The following ICA1 variants were observed in gnomAD, a reference collection of about 807,000 sequenced individuals.
The protein encoded by ICA1 is islet cell autoantigen 1, also known as 69 kDa islet cell autoantigen.
A neutral mutation model predicts 71.0 loss-of-function variants in ICA1; 40 were observed. The observed-to-expected ratio is 0.56, with a 90% confidence interval of 0.44 to 0.73. The LOEUF is 0.73. ICA1 is among the 30% of genes least tolerant of loss of function. The probability of loss-of-function intolerance (pLI) is 0.00; values close to 1 mark genes in which losing one functional copy is unlikely to be tolerated. For synonymous variants in ICA1, 207 were observed against 209.5 expected, an observed-to-expected ratio of 0.99 and a Z score of 0.10; for missense variants, 578 against 576.5, an observed-to-expected ratio of 1.00 and a Z score of -0.03.
At chr7:8,203,900 G>A (rs1434345261) in intron 6 of ICA1, among the ~76,000 whole-genome samples, 2 of 152,118 alleles carry the variant, frequency 1.3e-5, no homozygotes, top group Non-Finnish European at 2.9e-5. Flanking sequence ...CCTGAGTTGA[G>A]CCTACTCTTG....
intron 6 of ICA1, among the ~76,000 whole-genome samples, chr7:8,183,620 G>C (rs138765608): frequency 0.013 from 2,014 of 152,308 alleles, 13 homozygotes; most frequent in Middle Eastern, 0.037. Flanking sequence ...CCCTGAGCAA[G>C]TTATTTAACC....
chr7:8,127,826 A>C (rs763039475), intron 13 of ICA1, 47 bp downstream of exon 13: 1 of 1,531,698 alleles, frequency 6.5e-7, no homozygotes, highest in Non-Finnish European at 8.8e-7. Context: ...TGAAAACAAA[A>C]AGAATGAACA....
At chr7:8,138,701 T>C (rs1794198870) in intron 12 of ICA1, 139 bp downstream of exon 12, 1 of 686,606 alleles carries the variant, frequency 1.5e-6, no homozygotes, top group Admixed American at 2.5e-5. Context: ...TTGAGGTCAT[T>C]TATAAAGACT....
intron 12 of ICA1, among the ~76,000 whole-genome samples, chr7:8,129,105 C>A (rs909905749): frequency 6.6e-6 from 1 of 152,196 alleles, no homozygotes; most frequent in East Asian, 1.9e-4. Flanking sequence ...GCATTACTAT[C>A]AGAAATCTTA....
At chr7:8,189,295 A>G (rs1000448843) in intron 6 of ICA1, among the ~76,000 whole-genome samples, 2 of 152,326 alleles carry the variant, frequency 1.3e-5, no homozygotes, top group East Asian at 1.9e-4. Context: ...TGGGGTCATT[A>G]TACTAGAAGG....
intron 13 of ICA1, 58 bp downstream of exon 13, chr7:8,127,815 T>C (rs377166128): frequency 6.6e-7 from 1 of 1,507,856 alleles, no homozygotes; most frequent in Non-Finnish European, 8.9e-7. Context: ...TGCTTTTGGA[T>C]TGAAAACAAA....
At chr7:8,157,612 C>T (rs1311142904) in intron 7 of ICA1, 1 of 172,676 alleles carries the variant, frequency 5.8e-6, no homozygotes, top group Non-Finnish European at 1.2e-5. Flanking sequence ...CTGCTCTGTC[C>T]TAGAGGTATA....
intron 6 of ICA1, among the ~76,000 whole-genome samples, chr7:8,193,508 G>C (rs1009821456): frequency 6.6e-6 from 1 of 152,178 alleles, no homozygotes; most frequent in African/African-American, 2.4e-5. Flanking sequence ...CTGCTAACTA[G>C]AGTTGAAAAT....
At chr7:8,212,848 A>T (rs1794253554) in intron 6 of ICA1, among the ~76,000 whole-genome samples, 2 of 152,180 alleles carry the variant, frequency 1.3e-5, no homozygotes, top group Non-Finnish European at 2.9e-5. Context: ...CTTCACCCTA[A>T]AGCTAATTTT....
At chr7:8,239,368 T>A (rs1802964085) in intron 1 of ICA1, among the ~76,000 whole-genome samples, 2 of 152,340 alleles carry the variant, frequency 1.3e-5, no homozygotes, top group Non-Finnish European at 1.5e-5. Context: ...TACATGCCAG[T>A]CACTCTTCCT....
At position 8,144,475 on chromosome 7, in the gene ICA1, C is replaced by A. The variant is rs933159063; in HGVS notation, c.805-503G>T. On this transcript the variant is annotated intron_variant, in intron 8 of 13. Transcript: ENST00000402384. This position sits in a 1 kb window ranked among gnomAD's most constrained non-coding sequence, Gnocchi z 4.5. ...AAAATAACAGAAAACAAAACCTTTTCTTAAAAAACCAAAAATAGTGGCTTA... is the reference window on the plus strand; with the variant it reads ...AAAATAACAGAAAACAAAACCTTTTATTAAAAAACCAAAAATAGTGGCTTA... Among the ~76,000 whole-genome samples, 4 of 152,170 alleles carry A rather than the reference C, an allele frequency of 2.6e-5. No homozygotes were observed. Among genetic ancestry groups the A allele is most frequent in the Non-Finnish European group, 5.9e-5 (4 of 68,012 alleles).
At chr7:8,171,384 AG>A (rs1294053785) in intron 6 of ICA1, among the ~76,000 whole-genome samples, 2 of 151,892 alleles carry the variant, frequency 1.3e-5, no homozygotes, top group Non-Finnish European at 3.0e-5. Context: ...TTGTCTTTAA[AG>A]GGATTTGTCC....
intron 1 of ICA1, among the ~76,000 whole-genome samples, chr7:8,252,879 A>G (rs1808672801): frequency 6.6e-6 from 1 of 151,966 alleles, no homozygotes; most frequent in South Asian, 2.1e-4. Flanking sequence ...GTTTCTTTTT[A>G]GTTTTTGTTT....
At chr7:8,146,049 C>T (rs1349369085) in intron 8 of ICA1, among the ~76,000 whole-genome samples, 1 of 152,052 alleles carries the variant, frequency 6.6e-6, no homozygotes, top group Non-Finnish European at 1.5e-5. Flanking sequence ...TTTAATGACT[C>T]CTATTTCTGG....
At chr7:8,161,346 C>A (rs912315014) in intron 6 of ICA1, among the ~76,000 whole-genome samples, 1 of 151,942 alleles carries the variant, frequency 6.6e-6, no homozygotes, top group African/African-American at 2.4e-5. Flanking sequence ...ACAGCACAGA[C>A]AAGGAAATGA....
At chr7:8,140,878 T>C (rs1794992740) in intron 10 of ICA1, among the ~76,000 whole-genome samples, 1 of 152,156 alleles carries the variant, frequency 6.6e-6, no homozygotes, top group African/African-American at 2.4e-5. Context: ...AGGAGAAGAA[T>C]GGAGCAGAGG....
Position 8,232,584 on chromosome 7 carries a change from G to C in ICA1, c.183+6C>G, listed in dbSNP as rs768963713. 3 of 1,605,290 alleles carry C rather than the reference G, an allele frequency of 1.9e-6. No homozygotes were observed. Among genetic ancestry groups the C allele is most frequent in the African/African-American group, 2.7e-5 (2 of 74,844 alleles). ...GTGTTGGGGCTGACAGCAATAAAGA[G>C]CTCACCTCTAGCTTGGCATCCAGGT... On this transcript the variant is annotated splice_donor_region_variant and intron_variant, in intron 3 of 13. Coordinates refer to ENST00000402384, the MANE Select transcript of ICA1 (RefSeq NM_001136020.3).
At chr7:8,252,630 T>C (rs987726742) in intron 1 of ICA1, among the ~76,000 whole-genome samples, 1 of 150,730 alleles carries the variant, frequency 6.6e-6, no homozygotes, top group Admixed American at 6.6e-5. Flanking sequence ...AATTAAAATG[T>C]CTCATTAATA....
chr7:8,242,014 G>C (rs1369656306), intron 1 of ICA1, among the ~76,000 whole-genome samples: 2 of 152,166 alleles, frequency 1.3e-5, no homozygotes, highest in African/African-American at 2.4e-5. Flanking sequence ...CAACGAGACA[G>C]AAGGTTAACA....
Sources: allele counts gnomAD v4.1 joint callset (sites outside exome capture counted in the v4.1 genomes callset), GRCh38; gene constraint gnomAD v4.1.1; non-coding constraint Gnocchi (gnomAD v3.1); transcripts MANE v1.5; gene names NCBI Gene and HGNC (gene_info 2026-07-23, HGNC 2026-07-21).